The following SAFB2 variants were observed in gnomAD, a reference collection of about 807,000 sequenced individuals.
SAFB2 encodes scaffold attachment factor B2.
SAFB2 carries 32 observed loss-of-function variants against 100.6 expected under a neutral mutation model. That is an observed-to-expected ratio of 0.32 (90% confidence interval 0.24 to 0.43). SAFB2 has a LOEUF of 0.43. Ranked by LOEUF, SAFB2 falls within the 20% of genes least tolerant of loss-of-function variation. The pLI is 1.00. For missense variants in SAFB2, 1,185 were observed against 1,163.4 expected, an observed-to-expected ratio of 1.02 and a Z score of -0.27; for synonymous variants, 500 against 439.4, an observed-to-expected ratio of 1.14 and a Z score of -1.72.
chr19:5,614,991 A>G (rs1458168542), intron 4 of SAFB2, among the ~76,000 whole-genome samples: 3 of 152,040 alleles, frequency 2.0e-5, no homozygotes, highest in Non-Finnish European at 1.5e-5. Flanking sequence ...CAGGCAGATC[A>G]CTTGAGGTCA....
chr19:5,590,044 G>C (rs1422459807), intron 18 of SAFB2, among the ~76,000 whole-genome samples: 1 of 152,164 alleles, frequency 6.6e-6, no homozygotes, highest in Non-Finnish European at 1.5e-5. Context: ...GCTCAAGAAT[G>C]GGGATGGGCC....
At chr19:5,617,255 T>C (rs2053052729) in intron 2 of SAFB2, among the ~76,000 whole-genome samples, 1 of 152,178 alleles carries the variant, frequency 6.6e-6, no homozygotes, top group Non-Finnish European at 1.5e-5. Flanking sequence ...CTTTGTCATT[T>C]TTTAGCTCAA....
At position 5,615,137 on chromosome 19, in the gene SAFB2, G is replaced by A. The variant is rs191439287; in HGVS notation, c.543+995C>T. On this transcript the variant is annotated intron_variant, in intron 4 of 20. Transcript: ENST00000252542. ...TGGGAGGCCAAGGCGGGCAGATCAC[G>A]ACGTCAGGAGATGGAGACCATCATG... 6.6e-5 allele frequency among the ~76,000 whole-genome samples: 10 copies of A among 152,016 alleles called. No individual in the cohort carries two copies. In the East Asian group the frequency reaches 9.8e-4, roughly 15 times the overall value.
chr19:5,591,691 G>T, intron 17 of SAFB2, 57 bp downstream of exon 17: 1 of 1,554,368 alleles, frequency 6.4e-7, no homozygotes. Context: ...GAAATGGTCC[G>T]CTATGCCTGC....
intron 18 of SAFB2, among the ~76,000 whole-genome samples, chr19:5,588,694 G>A (rs2052319800): frequency 6.6e-6 from 1 of 152,026 alleles, no homozygotes; most frequent in Non-Finnish European, 1.5e-5. Flanking sequence ...GCCAGAAAGG[G>A]ACCTGTGGCT....
rs2052483082 is a variant in SAFB2 at position 5,594,109 on chromosome 19, T to C, written c.1989A>G (p.Leu663=). 6.2e-7 allele frequency: 1 copy of C among 1,601,208 alleles called. No homozygotes were observed. The highest frequency in any genetic ancestry group is 1.3e-5 in the African/African-American group (1 of 74,800). The change falls in exon 15 of 21, where the codon CTA becomes CTG. Residue 663 remains leucine (L), a synonymous_variant. Coordinates refer to ENST00000252542, the MANE Select transcript of SAFB2 (RefSeq NM_014649.3). ...AFHERKEKAR[L]QRERLQLECQ... is the part of the protein sequence containing the mutation. Reference sequence around the variant, plus strand: ...ACTCGAGCTGCAGGCGTTCCCGCTGTAGCCGGGCCTTCTCCTTCCGCTCAT... The same window carrying C: ...ACTCGAGCTGCAGGCGTTCCCGCTGCAGCCGGGCCTTCTCCTTCCGCTCAT...
At chr19:5,605,840 T>C in intron 9 of SAFB2, among the ~76,000 whole-genome samples, 1 of 151,948 alleles carries the variant, frequency 6.6e-6, no homozygotes, top group East Asian at 1.9e-4. Context: ...TCCCAGGCAA[T>C]GGGGGATGGG....
At position 5,587,121 on chromosome 19, in the gene SAFB2, T is replaced by G; in HGVS notation, c.*122A>C. The G allele has an allele frequency of 3.3e-4, 421 of 1,294,890 alleles. No individual in the cohort carries two copies. The highest frequency in any genetic ancestry group is 8.5e-4 in the Middle Eastern group (3 of 3,536). 80.2% of individuals were successfully genotyped at this position (1,294,890 alleles called of 1,614,324 possible). ...AAAAAAAAGTGAGTTCACATTGTAT[T>G]GAGCTACAACATGGTGGCAGGATTT... On this transcript the variant is annotated 3_prime_UTR_variant, in exon 21 of 21. Coordinates refer to ENST00000252542, the MANE Select transcript of SAFB2 (RefSeq NM_014649.3). The surrounding 1 kb of genome is among the most constrained non-coding windows in gnomAD (Gnocchi z 4.9).
intron 9 of SAFB2, among the ~76,000 whole-genome samples, chr19:5,608,340 TG>T (rs2052822239): frequency 6.6e-6 from 1 of 152,210 alleles, no homozygotes; most frequent in South Asian, 2.1e-4. Flanking sequence ...ATTTCTTAAA[TG>T]GTCTTTTTCC....
chr19:5,599,057 G>A (rs2052597328), intron 12 of SAFB2, among the ~76,000 whole-genome samples, 173 bp from the exon 13 acceptor site: 1 of 152,110 alleles, frequency 6.6e-6, no homozygotes. Context: ...CGGTAACACG[G>A]GCACAGCATC....
At position 5,615,933 on chromosome 19, in the gene SAFB2, C is replaced by T. The variant is rs145596422; in HGVS notation, c.543+199G>A. Among the ~76,000 whole-genome samples the T allele has an allele frequency of 3.3e-5, 5 of 152,332 alleles. No homozygotes were observed. The East Asian group carries it at 9.6e-4, about 29-fold the overall frequency. On this transcript the variant is annotated intron_variant, in intron 4 of 20. Transcript: ENST00000252542. ...ATGCTTCGAATTATAAAAACACTCC[C>T]CAGTGCTACAGAAAAGCTATCTATG... is the stretch of plus-strand genomic sequence containing the variant.
intron 13 of SAFB2, among the ~76,000 whole-genome samples, chr19:5,596,882 G>A (rs762988134): frequency 1.3e-5 from 2 of 152,120 alleles, no homozygotes; most frequent in Non-Finnish European, 2.9e-5. Context: ...AGCCCCCATA[G>A]GAGAGAAAGA....
rs879866702 is a variant in SAFB2, at chr19:5,619,710, C to T, written c.274+1599G>A. 3.3e-5 allele frequency among the ~76,000 whole-genome samples: 5 copies of T among 152,056 alleles called. No individual in the cohort carries two copies. In the East Asian group the frequency reaches 7.7e-4, roughly 24 times the overall value. ...AATATAAAAAAGTAGCTGGGCGTGG[C>T]GACGGGCACCTGTAATCGCAGCTAC... is the stretch of plus-strand genomic sequence containing the variant. On this transcript the variant is annotated intron_variant, in intron 2 of 20. Transcript: ENST00000252542.
Position 5,621,315 on chromosome 19 carries a change from C to G in SAFB2, c.268G>C (p.Val90Leu). ...AGCAGCATATGTACAATACCTTTAA[C>G]ACATCTCTTGGCTGACTTCTTGCTG... is the stretch of plus-strand genomic sequence containing the variant. ...ATSKKSAKRCVKGLKMEEEGT... is the reference protein window; with the variant it reads ...ATSKKSAKRCLKGLKMEEEGT... The change falls in exon 2 of 21, where the codon GTT (valine) becomes CTT (leucine). Residue 90 changes from valine to leucine, a missense_variant. Physicochemically the swap from Val to Leu is conservative, Grantham distance 32. Around this residue, in one of 3 missense-constraint regions of SAFB2, gnomAD observed 351 missense variants for 341.2 expected, o/e 1.03. Coordinates refer to ENST00000252542, the MANE Select transcript of SAFB2 (RefSeq NM_014649.3). The G allele has an allele frequency of 1.9e-6, 3 of 1,606,088 alleles. No individual in the cohort carries two copies. The highest frequency in any genetic ancestry group is 2.6e-6 in the Non-Finnish European group (3 of 1,172,680).
chr19:5,596,494 A>G (rs1354629445), intron 13 of SAFB2, among the ~76,000 whole-genome samples: 1 of 152,080 alleles, frequency 6.6e-6, no homozygotes, highest in East Asian at 1.9e-4. Flanking sequence ...ACAGGTGCAC[A>G]CCACCATGCC....
At chr19:5,604,221 G>A (rs532626695) in intron 11 of SAFB2, among the ~76,000 whole-genome samples, 1 of 152,294 alleles carries the variant, frequency 6.6e-6, no homozygotes, top group African/African-American at 2.4e-5. Flanking sequence ...GACCAGCCTT[G>A]GTAACATGGC....
chr19:5,588,007 C>T, intron 18 of SAFB2, 27 bp from the exon 19 acceptor site: 1 of 1,594,584 alleles, frequency 6.3e-7, no homozygotes, highest in South Asian at 1.1e-5. Context: ...AGACATGCAG[C>T]CATCTAATGA....
chr19:5,602,094 G>A (rs2052670546), intron 11 of SAFB2, among the ~76,000 whole-genome samples: 1 of 152,130 alleles, frequency 6.6e-6, no homozygotes, highest in Non-Finnish European at 1.5e-5. Context: ...GGCTAATGAA[G>A]GTGTTAATTT....
Position 5,592,820 on chromosome 19 carries a change from G to C in SAFB2, c.2275C>G (p.Pro759Ala), listed in dbSNP as rs374932798. The C allele has an allele frequency of 1.7e-5, 28 of 1,614,144 alleles. 1 individual carries two copies. Among genetic ancestry groups the C allele is most frequent in the Middle Eastern group, 3.3e-4 (2 of 6,062 alleles). ...TCGTGAAAGCGGTGGTCTGGCCGGG[G>C]AAAGTCTGCACGATATCGGTCCTCC... ...AMEDRYRADFPRPDHRFHDFD... is the reference protein window; with the variant it reads ...AMEDRYRADFARPDHRFHDFD... The change falls in exon 16 of 21, where the codon CCC becomes GCC. Residue 759 changes from proline (P) to alanine (A), a missense_variant. Physicochemically the swap from Pro to Ala is conservative, Grantham distance 27 (BLOSUM62 -1). This residue lies in a region of SAFB2 where 740 missense variants were observed against 687.1 expected (regional missense o/e 1.08). Coordinates refer to ENST00000252542, the MANE Select transcript of SAFB2 (RefSeq NM_014649.3).
Sources: allele counts gnomAD v4.1 joint callset (sites outside exome capture counted in the v4.1 genomes callset), GRCh38; gene constraint gnomAD v4.1.1; regional missense constraint gnomAD v4.1.1; non-coding constraint Gnocchi (gnomAD v3.1); transcripts MANE v1.5; gene names NCBI Gene and HGNC (gene_info 2026-07-23, HGNC 2026-07-21).